The following MECOM variants were observed in gnomAD, a reference collection of about 807,000 sequenced individuals.
The protein encoded by MECOM is MDS1 and EVI1 complex locus.
MECOM carries 13 observed loss-of-function variants against 116.3 expected under a neutral mutation model. The observed-to-expected ratio is 0.11, with a 90% CI of 0.07 to 0.18. MECOM has a LOEUF of 0.18. Ranked by LOEUF, MECOM falls within the 10% of genes least tolerant of loss-of-function variation. The probability of loss-of-function intolerance (pLI) is 1.00; values close to 1 mark genes in which losing one functional copy is unlikely to be tolerated. For missense variants in MECOM, 1,299 were observed against 1,509.0 expected (o/e 0.86, Z 2.31); for synonymous variants, 528 against 535.2 (o/e 0.99, Z 0.19).
chr3:169,529,255 C>CAGGCCCCCACA (rs1758304426), intron 1 of MECOM, among the ~76,000 whole-genome samples: 1 of 151,756 alleles, frequency 6.6e-6, no homozygotes, highest in Non-Finnish European at 1.5e-5. Flanking sequence ...AGAACTCCTA[C>CAGGCCCCCACA]CAGCTGTGCA....
At chr3:169,375,866 G>A (rs1021137163) in intron 2 of MECOM, among the ~76,000 whole-genome samples, 13 of 120,406 alleles carry the variant, frequency 1.1e-4, no homozygotes, top group Non-Finnish European at 2.2e-4. Context: ...ACCTGGCAGA[G>A]ACACAACAAA....
At chr3:169,093,157 A>G (rs576425752) in intron 13 of MECOM, 55 bp from the exon 14 acceptor site, 1 of 1,516,978 alleles carries the variant, frequency 6.6e-7, no homozygotes, top group Non-Finnish European at 8.8e-7. Context: ...CTAGCAACTT[A>G]TTTGGAAACT....
chr3:169,369,406 G>A (rs55715289), intron 2 of MECOM, among the ~76,000 whole-genome samples: 1 of 132,566 alleles, frequency 7.5e-6, no homozygotes, highest in South Asian at 2.4e-4. Context: ...GAATGCATTA[G>A]GATGAATACG....
chr3:169,587,869 GA>G (rs1006595531), intron 1 of MECOM, among the ~76,000 whole-genome samples: 17 of 146,952 alleles, frequency 1.2e-4, no homozygotes, highest in South Asian at 4.3e-4. Context: ...CACCTGCCAG[GA>G]AAAAAAAAAT....
intron 1 of MECOM, among the ~76,000 whole-genome samples, chr3:169,576,838 C>CACACACACAG (rs368016499): frequency 4.1e-4 from 51 of 125,104 alleles, no homozygotes; most frequent in African/African-American, 1.3e-3. Context: ...CACACACACA[C>CACACACACAG]AGAGAGAGAG....
At chr3:169,553,427 T>C (rs1761644193) in intron 1 of MECOM, among the ~76,000 whole-genome samples, 1 of 152,138 alleles carries the variant, frequency 6.6e-6, no homozygotes, top group Non-Finnish European at 1.5e-5. Context: ...CAGCAGAAAT[T>C]TTTGTCTATT....
At chr3:169,521,575 G>A (rs766067627) in intron 1 of MECOM, among the ~76,000 whole-genome samples, 2 of 152,154 alleles carry the variant, frequency 1.3e-5, no homozygotes, top group Non-Finnish European at 2.9e-5. Context: ...GAAGGTCAGT[G>A]GTCTGAGATG....
chr3:169,462,741 A>G (rs1243420199), intron 1 of MECOM, among the ~76,000 whole-genome samples: 1 of 152,212 alleles, frequency 6.6e-6, no homozygotes, highest in Non-Finnish European at 1.5e-5. Flanking sequence ...GTTGCCATTA[A>G]TGAATACTGT....
At chr3:169,156,253 T>C (rs959775863) in intron 2 of MECOM, among the ~76,000 whole-genome samples, 3 of 152,178 alleles carry the variant, frequency 2.0e-5, no homozygotes, top group East Asian at 3.9e-4. Flanking sequence ...GGAAATCCTT[T>C]AGTAAAGAGA....
intron 2 of MECOM, among the ~76,000 whole-genome samples, chr3:169,235,297 C>A (rs138019817): frequency 6.6e-6 from 1 of 152,094 alleles, no homozygotes; most frequent in Non-Finnish European, 1.5e-5. Context: ...GATCCCTAAC[C>A]TATCATTCAT....
intron 1 of MECOM, among the ~76,000 whole-genome samples, chr3:169,424,478 G>T (rs1487611285): frequency 6.6e-6 from 1 of 152,096 alleles, no homozygotes; most frequent in Non-Finnish European, 1.5e-5. Context: ...AAAAGTCACA[G>T]CTCATGACCT....
At chr3:169,297,030 T>C (rs1715742513) in intron 2 of MECOM, among the ~76,000 whole-genome samples, 1 of 152,244 alleles carries the variant, frequency 6.6e-6, no homozygotes, top group African/African-American at 2.4e-5. Flanking sequence ...CCAGCTGTGC[T>C]CTTTCAACAA....
chr3:169,437,641 A>G (rs913102061), intron 1 of MECOM, among the ~76,000 whole-genome samples: 4 of 152,192 alleles, frequency 2.6e-5, no homozygotes, highest in Non-Finnish European at 5.9e-5. Flanking sequence ...TGTAACACCC[A>G]GCAAATAGGG....
At position 169,506,317 on chromosome 3, in the gene MECOM, C is replaced by A. The variant is rs1484336805; in HGVS notation, c.38-124793G>T. ...AACCAAGGAAATGACTATTTGAAGT[C>A]TTCCAATGTGAGTGTCCCCGCCACA... On this transcript the variant is annotated intron_variant, in intron 1 of 16. Coordinates refer to ENST00000651503, the MANE Select transcript of MECOM (RefSeq NM_004991.4). 7.2e-5 allele frequency among the ~76,000 whole-genome samples: 11 copies of A among 152,246 alleles called. No homozygotes were observed. In the East Asian group the frequency reaches 2.1e-3, roughly 29 times the overall value.
rs561857280 is a variant in MECOM at position 169,641,238 on chromosome 3, G to C, written c.37+22098C>G. On this transcript the variant is annotated intron_variant, in intron 1 of 16. Transcript: ENST00000651503. ...CCAGGTGCTGAGGTATAAAGGAATA[G>C]ACTGGAGGCACAGCAGTGAGAAGTA... 2.0e-5 allele frequency among the ~76,000 whole-genome samples: 3 copies of C among 152,342 alleles called. No homozygotes were observed. In the South Asian group the frequency reaches 6.2e-4, roughly 32 times the overall value.
intron 2 of MECOM, among the ~76,000 whole-genome samples, chr3:169,334,390 A>G (rs1415226028): frequency 2.0e-5 from 3 of 152,172 alleles, no homozygotes; most frequent in Non-Finnish European, 4.4e-5. Context: ...CCATCTATAA[A>G]CATGGTTCTC....
chr3:169,325,016 G>A (rs976499277), intron 2 of MECOM, among the ~76,000 whole-genome samples: 2 of 152,072 alleles, frequency 1.3e-5, no homozygotes, highest in African/African-American at 4.8e-5. Context: ...TTTCCAGGCA[G>A]CAGAGTACTA....
chr3:169,504,693 G>C (rs1754985374), intron 1 of MECOM, among the ~76,000 whole-genome samples: 1 of 152,110 alleles, frequency 6.6e-6, no homozygotes, highest in Admixed American at 6.5e-5. Flanking sequence ...TCAAAGGATA[G>C]CAATGACAAG....
chr3:169,341,539 A>G (rs1333670879), intron 2 of MECOM, among the ~76,000 whole-genome samples: 1 of 151,826 alleles, frequency 6.6e-6, no homozygotes, highest in Non-Finnish European at 1.5e-5. Flanking sequence ...CAAGAAATCG[A>G]GACCATCCTG....
Sources: allele counts gnomAD v4.1 joint callset (sites outside exome capture counted in the v4.1 genomes callset), GRCh38; gene constraint gnomAD v4.1.1; transcripts MANE v1.5; gene names NCBI Gene and HGNC (gene_info 2026-07-23, HGNC 2026-07-21).